Variants in USP8 observed in about 807,000 individuals in gnomAD.
USP8 encodes ubiquitin carboxyl-terminal hydrolase 8.
In USP8, 27 loss-of-function variants were observed where a neutral mutation model predicts 130.0. The ratio of observed to expected loss-of-function variants is 0.21; its 90% CI spans 0.15 to 0.29. The LOEUF (loss-of-function observed/expected upper bound fraction) is 0.29. Among genes scored for constraint, USP8 ranks in the 10% least tolerant of loss-of-function variants. USP8 has a pLI of 1.00. For missense variants in USP8, 1,029 were observed against 1,312.2 expected, an observed-to-expected ratio of 0.78 and a Z score of 3.33; for synonymous variants, 392 against 444.1, an observed-to-expected ratio of 0.88 and a Z score of 1.48.
At chr15:50,475,016 G>A (rs1411375321) in intron 8 of USP8, among the ~76,000 whole-genome samples, 2 of 152,206 alleles carry the variant, frequency 1.3e-5, no homozygotes, top group Admixed American at 6.5e-5. Context: ...GGCTGAGGCA[G>A]GAGAATTGCT....
At chr15:50,489,404 G>A (rs1171806534) in intron 12 of USP8, 1 of 155,746 alleles carries the variant, frequency 6.4e-6, no homozygotes, top group East Asian at 1.9e-4. Context: ...TATATTTTAC[G>A]TAATCGTTTG....
At chr15:50,435,209 A>G (rs1387606045) in intron 1 of USP8, among the ~76,000 whole-genome samples, 1 of 152,198 alleles carries the variant, frequency 6.6e-6, no homozygotes, top group African/African-American at 2.4e-5. Flanking sequence ...TTAAATTCAC[A>G]TAGATTGAGG....
intron 4 of USP8, among the ~76,000 whole-genome samples, chr15:50,455,209 G>C (rs1441938757): frequency 6.6e-6 from 1 of 151,150 alleles, no homozygotes; most frequent in Non-Finnish European, 1.5e-5. Context: ...CTGAACAACT[G>C]GAACTACAGA....
intron 1 of USP8, among the ~76,000 whole-genome samples, chr15:50,432,922 C>A (rs1378690394): frequency 2.0e-5 from 3 of 152,172 alleles, no homozygotes; most frequent in African/African-American, 7.2e-5. Context: ...GTTGAGCCTT[C>A]TTAATACTTG....
In USP8 at chr15:50,477,125, T is replaced by C. The variant is rs1278101257; in HGVS notation, c.994+132T>C. Reference sequence around the variant, plus strand: ...CAGTTTGTTTTCAGGCATAAAAATATAAGCCTGGAAGTTCACATTTTCTTT... The same window carrying C: ...CAGTTTGTTTTCAGGCATAAAAATACAAGCCTGGAAGTTCACATTTTCTTT... On this transcript the variant is annotated intron_variant, in intron 9 of 19. Coordinates refer to ENST00000307179, the MANE Select transcript of USP8 (RefSeq NM_005154.5). 21 of 1,367,346 alleles carry C rather than the reference T, an allele frequency of 1.5e-5. No homozygotes were observed. In the East Asian group the frequency reaches 2.0e-4, roughly 13 times the overall value. The allele number at this position is 1,367,346 out of a possible 1,614,324, so 84.7% of individuals were successfully genotyped here.
intron 3 of USP8, among the ~76,000 whole-genome samples, chr15:50,443,861 A>G (rs1054374329): frequency 6.6e-6 from 1 of 152,196 alleles, no homozygotes; most frequent in African/African-American, 2.4e-5. Flanking sequence ...CAATGGATGA[A>G]TTAGTCCTGC....
chr15:50,462,148 GT>G, intron 5 of USP8, 131 bp from the exon 6 acceptor site: 1 of 645,224 alleles, frequency 1.5e-6, no homozygotes, highest in South Asian at 2.2e-5. Context: ...ATTCGTCTGC[GT>G]TTTTATAAAA....
chr15:50,446,177 G>A (rs2050435645), intron 3 of USP8, among the ~76,000 whole-genome samples: 1 of 152,152 alleles, frequency 6.6e-6, no homozygotes, highest in African/African-American at 2.4e-5. Context: ...GTAAACCTCA[G>A]AAGCAAACAT....
chr15:50,493,472 G>A (rs1478484990), intron 15 of USP8: 4 of 519,016 alleles, frequency 7.7e-6, no homozygotes, highest in Non-Finnish European at 1.5e-5. Flanking sequence ...AATAATGAAG[G>A]CTGGGCATGG....
rs529099246 is a variant in USP8 at position 50,433,761 on chromosome 15, G to A, written c.-65-5248G>A. ...GCTGGGACTACAGGTGCCCGCCACC[G>A]TGCCCGGCTAATTTTTTGTCTTTTT... On this transcript the variant is annotated intron_variant, in intron 1 of 19. Transcript: ENST00000307179. Among the ~76,000 whole-genome samples, 500 of 151,726 alleles carry A rather than the reference G, an allele frequency of 3.3e-3. 6 individuals are homozygous for A. Among genetic ancestry groups the A allele is most frequent in the African/African-American group, 0.011 (453 of 41,374 alleles).
At chr15:50,439,380 G>T (rs947848780) in intron 2 of USP8, among the ~76,000 whole-genome samples, 20 of 152,098 alleles carry the variant, frequency 1.3e-4, no homozygotes, top group Non-Finnish European at 2.6e-4. Flanking sequence ...CTACTCTCCA[G>T]ACAGATCATA....
At chr15:50,487,349 A>G (rs1265323848) in intron 12 of USP8, among the ~76,000 whole-genome samples, 1 of 149,028 alleles carries the variant, frequency 6.7e-6, no homozygotes, top group Non-Finnish European at 1.5e-5. Flanking sequence ...TGAGTTAACA[A>G]TAAGAGAAAA....
intron 12 of USP8, among the ~76,000 whole-genome samples, chr15:50,485,739 C>T (rs1478487193): frequency 6.6e-6 from 1 of 151,818 alleles, no homozygotes; most frequent in African/African-American, 2.4e-5. Context: ...GATATATATA[C>T]AGTCTTCCCT....
chr15:50,496,049 C>T lies in USP8; in HGVS notation c.2860C>T (p.Leu954=). The part of the protein sequence containing the change: ...RTFEAFMYLS[L]PLASTSKCTL... ...ATTTGAGGCCTTCATGTATTTGTCTCTACCACTAGCATCCACAAGTAAATG... is the reference window on the plus strand; with the variant it reads ...ATTTGAGGCCTTCATGTATTTGTCTTTACCACTAGCATCCACAAGTAAATG... Residue 954 remains leucine (L), a synonymous_variant, in exon 17 of 20, where the codon CTA becomes TTA. Coordinates refer to ENST00000307179, the MANE Select transcript of USP8 (RefSeq NM_005154.5). 6.2e-7 allele frequency: 1 copy of T among 1,613,558 alleles called. No homozygotes were observed. Among genetic ancestry groups the T allele is most frequent in the Non-Finnish European group, 8.5e-7 (1 of 1,179,746 alleles).
At chr15:50,426,574 C>T (rs2049733532) in intron 1 of USP8, among the ~76,000 whole-genome samples, 2 of 152,144 alleles carry the variant, frequency 1.3e-5, no homozygotes, top group Admixed American at 1.3e-4. Context: ...GGCTAATTCA[C>T]GTGAAGGCGT....
At chr15:50,497,800 TTTGAG>T (rs1382657819) in intron 18 of USP8, 2 of 152,152 alleles carry the variant, frequency 1.3e-5, no homozygotes, top group African/African-American at 4.8e-5. Context: ...ACTCAAGAAC[TTTGAG>T]TTGATTATTT....
At chr15:50,441,296 A>G (rs1475269066) in intron 2 of USP8, 53 bp from the exon 3 acceptor site, 2 of 1,506,146 alleles carry the variant, frequency 1.3e-6, no homozygotes, top group African/African-American at 2.8e-5. Context: ...TATGACCTGT[A>G]TTTTTTCCCA....
rs761442503 is a variant in USP8 at position 50,494,207 on chromosome 15, C to T, written c.2585C>T (p.Ala862Val). 2 of 1,613,766 alleles carry T rather than the reference C, an allele frequency of 1.2e-6. No individual in the cohort carries two copies. The highest frequency in any genetic ancestry group is 8.5e-7 in the Non-Finnish European group (1 of 1,179,976). ...ATTGGGAAGATCAATGACCAGTTTG[C>T]AGGATACAGTCAGCAAGATTCACAA... is the stretch of plus-strand genomic sequence containing the variant. ...ITIGKINDQF[A>V]GYSQQDSQEL... Residue 862 changes from alanine to valine, a missense_variant, in exon 16 of 20, where the codon GCA becomes GTA. By Grantham distance (64) the Ala-to-Val change is moderately conservative. Transcript: ENST00000307179.
intron 1 of USP8, among the ~76,000 whole-genome samples, chr15:50,424,824 CG>C (rs200149260): frequency 7.6e-5 from 10 of 131,466 alleles, no homozygotes; most frequent in African/African-American, 2.5e-4. Context: ...CTCTTGCTTC[CG>C]GTTTTTTTTT....
Sources: allele counts gnomAD v4.1 joint callset (sites outside exome capture counted in the v4.1 genomes callset), GRCh38; gene constraint gnomAD v4.1.1; transcripts MANE v1.5; gene names NCBI Gene and HGNC (gene_info 2026-07-23, HGNC 2026-07-21).